Variants in USP37 observed in about 807,000 individuals in gnomAD.
USP37 encodes ubiquitin specific peptidase 37, also known as ubiquitin carboxyl-terminal hydrolase 37.
Under a neutral mutation model 124.0 loss-of-function variants are expected in USP37, and 27 were observed. That is an observed-to-expected ratio of 0.22 (90% CI 0.16 to 0.30). The LOEUF (loss-of-function observed/expected upper bound fraction) is 0.30. Ranked by LOEUF, USP37 falls within the 10% of genes least tolerant of loss-of-function variation. The probability of loss-of-function intolerance (pLI) is 1.00; values close to 1 mark genes in which losing one functional copy is unlikely to be tolerated. For missense variants in USP37, 889 were observed against 1,140.4 expected, an observed-to-expected ratio of 0.78 and a Z score of 3.17; for synonymous variants, 365 against 388.0, an observed-to-expected ratio of 0.94 and a Z score of 0.70.
chr2:218,528,803 GAAAAAAAAAAAAAAAAAAAAA>G lies in USP37; in HGVS notation c.863+1132_863+1152del, dbSNP rs58650311. On this transcript the variant is annotated intron_variant, in intron 10 of 25. Transcript: ENST00000258399. ...TTATGTATTTATACCCAATAAATCT[GAAAAAAAAAAAAAAAAAAAAA>G]AAAAAAAAAAAAAAAAAGAGCTTAT... 4.5e-3 allele frequency: 134 copies of G among 29,722 alleles called. 2 individuals carry two copies. The highest frequency in any genetic ancestry group is 0.02 in the Admixed American group (22 of 1,092). The allele number at this position is 29,722 out of a possible 1,614,324, so 1.8% of individuals were successfully genotyped here.
At chr2:218,460,351 T>C (rs1420630402) in intron 22 of USP37, among the ~76,000 whole-genome samples, 4 of 151,696 alleles carry the variant, frequency 2.6e-5, no homozygotes, top group African/African-American at 7.3e-5. Flanking sequence ...TAAGAAAACA[T>C]AAAACGTAAT....
chr2:218,528,579 C>T lies in USP37; in HGVS notation c.863+1377G>A, dbSNP rs547317859. On this transcript the variant is annotated intron_variant, in intron 10 of 25. Transcript: ENST00000258399. ...GAGAATGATGGTTTTCAGCTTCATC[C>T]ATGTCTCTGCAAAGGACATGAACTC... 1.9e-3 allele frequency: 734 copies of T among 391,050 alleles called. 3 individuals are homozygous for T. Among genetic ancestry groups the T allele is most frequent in the African/African-American group, 0.014 (666 of 48,422 alleles). The allele number at this position is 391,050 out of a possible 1,614,324, so 24.2% of individuals were successfully genotyped here.
At chr2:218,529,014 G>A (rs1048592007) in intron 10 of USP37, among the ~76,000 whole-genome samples, 3 of 152,060 alleles carry the variant, frequency 2.0e-5, no homozygotes, top group Non-Finnish European at 2.9e-5. Context: ...ATGCTTCAGA[G>A]GAGAGATCTT....
chr2:218,477,511 A>G (rs1339904264), intron 18 of USP37, among the ~76,000 whole-genome samples: 2 of 152,250 alleles, frequency 1.3e-5, no homozygotes, highest in African/African-American at 2.4e-5. Flanking sequence ...CCATGTACTT[A>G]GAGGGACCCT....
Position 218,522,038 on chromosome 2 carries a change from CTT to C in USP37, c.863+7916_863+7917del, listed in dbSNP as rs35206236. ...TACAAGTCCATGCCACCACACGTGG[CTT>C]TTTTTTTTTTTTTTTTGTAGAGACA... On this transcript the variant is annotated intron_variant, in intron 10 of 25. Transcript: ENST00000258399. Among the ~76,000 whole-genome samples, 283 of 116,742 alleles carry C rather than the reference CTT, an allele frequency of 2.4e-3. 4 individuals are homozygous for C. In the East Asian group the frequency reaches 0.059, roughly 25 times the overall value. The allele number at this position is 116,742 out of a possible 152,430, so 76.6% of individuals were successfully genotyped here. A position where few individuals can be genotyped will look rare whatever the true frequency, so the allele number is the denominator to read the frequency against.
intron 15 of USP37, 150 bp from the exon 16 acceptor site, chr2:218,485,893 C>A: frequency 1.3e-6 from 1 of 752,044 alleles, no homozygotes; most frequent in Non-Finnish European, 2.1e-6. Flanking sequence ...ATGAGCCTTA[C>A]CAAATTAAGA....
chr2:218,455,440 C>A (rs761308327), intron 25 of USP37, 140 bp downstream of exon 25: 57 of 1,047,886 alleles, frequency 5.4e-5, no homozygotes, highest in Non-Finnish European at 7.1e-5. Context: ...AAGAGATAGA[C>A]CCTAACCAAA....
At chr2:218,472,376 C>T (rs1690741693) in intron 20 of USP37, among the ~76,000 whole-genome samples, 1 of 152,060 alleles carries the variant, frequency 6.6e-6, no homozygotes, top group African/African-American at 2.4e-5. Flanking sequence ...CACACACTCA[C>T]ACTTTTCTTT....
chr2:218,513,325 C>T (rs1411189716), intron 10 of USP37, among the ~76,000 whole-genome samples: 1 of 152,064 alleles, frequency 6.6e-6, no homozygotes, highest in East Asian at 1.9e-4. Context: ...GCCAACCATG[C>T]CCAGTCTAGA....
At chr2:218,532,205 C>T (rs1336228055) in intron 9 of USP37, among the ~76,000 whole-genome samples, 2 of 151,890 alleles carry the variant, frequency 1.3e-5, no homozygotes, top group Non-Finnish European at 2.9e-5. Context: ...CAGTGGCTCA[C>T]GTCTGTAATA....
intron 11 of USP37, among the ~76,000 whole-genome samples, chr2:218,508,277 CT>C (rs1051039473): frequency 1.0e-3 from 146 of 140,136 alleles, no homozygotes; most frequent in Non-Finnish European, 9.8e-4. Context: ...GTTTTTTTTT[CT>C]TTTTTTTTTT....
chr2:218,556,503 G>GTTTTTTT lies in USP37; in HGVS notation c.156+1988_156+1994dup, dbSNP rs34907421. Among the ~76,000 whole-genome samples the GTTTTTTT allele has an allele frequency of 2.9e-3, 156 of 53,824 alleles. 8 individuals are homozygous for GTTTTTTT. Among genetic ancestry groups the GTTTTTTT allele is most frequent in the Middle Eastern group, 0.024 (1 of 42 alleles). 35.3% of individuals were successfully genotyped at this position (53,824 alleles called of 152,430 possible). A position where few individuals can be genotyped will look rare whatever the true frequency, so the allele number is the denominator to read the frequency against. ...GTATTTGGTTACTCTGGGTTTTTCTGTTTTTTTTTTTTTTTTTTTTTTTTT... is the reference window on the plus strand; with the variant it reads ...GTATTTGGTTACTCTGGGTTTTTCTGTTTTTTTTTTTTTTTTTTTTTTTTTTTTTTTT... On this transcript the variant is annotated intron_variant, in intron 4 of 25. Coordinates refer to ENST00000258399, the MANE Select transcript of USP37 (RefSeq NM_020935.3).
chr2:218,491,048 C>G (rs1018660119), intron 14 of USP37, among the ~76,000 whole-genome samples: 1 of 152,108 alleles, frequency 6.6e-6, no homozygotes, highest in Non-Finnish European at 1.5e-5. Flanking sequence ...TATTTTTAAA[C>G]TTTTTGTAGA....
At chr2:218,534,426 T>A (rs1212063250) in intron 9 of USP37, among the ~76,000 whole-genome samples, 183 bp downstream of exon 9, 2 of 152,090 alleles carry the variant, frequency 1.3e-5, no homozygotes, top group Non-Finnish European at 2.9e-5. Context: ...GAGGCAGAGG[T>A]TGCAGTGAGC....
In USP37 at chr2:218,455,561, A is replaced by G; in HGVS notation, c.2852+19T>C. The G allele has an allele frequency of 6.3e-7, 1 of 1,581,740 alleles. No homozygotes were observed. ...GGTGATTTCTAACTCATTATTTAGA[A>G]TCTGGCAAAGTTTCTTACTTGTGCA... is the stretch of plus-strand genomic sequence containing the variant. On this transcript the variant is annotated intron_variant, in intron 25 of 25. Transcript: ENST00000258399.
intron 13 of USP37, among the ~76,000 whole-genome samples, chr2:218,497,388 T>A (rs1689138814): frequency 6.6e-6 from 1 of 151,652 alleles, no homozygotes; most frequent in African/African-American, 2.4e-5. Flanking sequence ...TTTATTTTTA[T>A]AAATATTTAT....
intron 20 of USP37, among the ~76,000 whole-genome samples, chr2:218,471,463 A>T (rs145284439): frequency 6.6e-6 from 1 of 152,302 alleles, no homozygotes; most frequent in Non-Finnish European, 1.5e-5. Flanking sequence ...TCTCTAAGTG[A>T]TCTCATGTAT....
intron 15 of USP37, 116 bp downstream of exon 15, chr2:218,488,188 A>T (rs1691688294): frequency 1.6e-6 from 1 of 634,192 alleles, no homozygotes; most frequent in Admixed American, 3.6e-5. Flanking sequence ...AAAAAAAAAA[A>T]AAAAAAAAAG....
intron 8 of USP37, 139 bp downstream of exon 8, chr2:218,546,082 C>T: frequency 1.4e-6 from 1 of 699,620 alleles, no homozygotes; most frequent in South Asian, 2.0e-5. Flanking sequence ...TCTACTGTCA[C>T]CAAACTACTT....
Sources: allele counts gnomAD v4.1 joint callset (sites outside exome capture counted in the v4.1 genomes callset), GRCh38; gene constraint gnomAD v4.1.1; transcripts MANE v1.5; gene names NCBI Gene and HGNC (gene_info 2026-07-23, HGNC 2026-07-21).